The following RAB11FIP3 variants were observed in gnomAD, a reference collection of about 807,000 sequenced individuals.
RAB11FIP3 encodes rab11 family-interacting protein 3.
In RAB11FIP3, 17 loss-of-function variants were observed where a neutral mutation model predicts 77.8. That is an observed-to-expected ratio of 0.22 (90% confidence interval 0.15 to 0.33). The LOEUF is 0.33. RAB11FIP3 is among the 10% of genes least tolerant of loss of function. The pLI is 1.00. For synonymous variants in RAB11FIP3, 437 were observed against 448.2 expected, an observed-to-expected ratio of 0.98 and a Z score of 0.31; for missense variants, 1,005 against 1,011.2, an observed-to-expected ratio of 0.99 and a Z score of 0.08.
At position 494,229 on chromosome 16, in the gene RAB11FIP3, C is replaced by T. The variant is rs997618652; in HGVS notation, c.1266-2595C>T. The stretch of plus-strand genomic sequence containing the variant: ...TTCAATTATAAATCCTGTTGCTGGG[C>T]TGCCAGTCCAGGCCCTGAAAGGTCA... On this transcript the variant is annotated intron_variant, in intron 5 of 13. Coordinates refer to ENST00000262305, the MANE Select transcript of RAB11FIP3 (RefSeq NM_014700.4). Among the ~76,000 whole-genome samples, 106 of 151,464 alleles carry T rather than the reference C, an allele frequency of 7.0e-4. 1 individual carries two copies. Among genetic ancestry groups the T allele is most frequent in the African/African-American group, 2.5e-3 (102 of 41,190 alleles).
intron 1 of RAB11FIP3, among the ~76,000 whole-genome samples, chr16:432,000 G>T (rs1232132459): frequency 6.6e-6 from 1 of 151,896 alleles, no homozygotes; most frequent in African/African-American, 2.4e-5. Flanking sequence ...CGCATGATCC[G>T]CCCACCTCGG....
intron 1 of RAB11FIP3, among the ~76,000 whole-genome samples, chr16:438,151 A>G (rs2055162603): frequency 6.6e-6 from 1 of 151,562 alleles, no homozygotes; most frequent in Non-Finnish European, 1.5e-5. Context: ...TCTGTCACCC[A>G]GGCTGGAGTG....
At chr16:492,107 C>T (rs568996496) in intron 5 of RAB11FIP3, among the ~76,000 whole-genome samples, 7 of 152,248 alleles carry the variant, frequency 4.6e-5, no homozygotes, top group Non-Finnish European at 7.3e-5. Flanking sequence ...CAGGGGGCTT[C>T]TGCCGAGGCA....
intron 4 of RAB11FIP3, among the ~76,000 whole-genome samples, chr16:487,871 T>C (rs2056189530): frequency 6.6e-6 from 1 of 152,076 alleles, no homozygotes. Context: ...TAGCTTAAAG[T>C]AGAGTTTGAA....
chr16:439,195 T>G (rs149311847), intron 1 of RAB11FIP3: 9 of 152,320 alleles, frequency 5.9e-5, no homozygotes, highest in Non-Finnish European at 1.3e-4. Context: ...ATGGATTCAG[T>G]GTCATGATTA....
At position 517,569 on chromosome 16, in the gene RAB11FIP3, C is replaced by A. The variant is rs1221748836; in HGVS notation, c.1641-1374C>A. The stretch of plus-strand genomic sequence containing the variant: ...CAGAGCGAGACCCTCTCTCAAAAAA[C>A]CAAACAAATGCAGTGTGGTTGCTGG... On this transcript the variant is annotated intron_variant, in intron 9 of 13. Coordinates refer to ENST00000262305, the MANE Select transcript of RAB11FIP3 (RefSeq NM_014700.4). 3.9e-5 allele frequency among the ~76,000 whole-genome samples: 6 copies of A among 151,932 alleles called. No individual in the cohort carries two copies. The East Asian group carries it at 7.8e-4, about 20-fold the overall frequency.
rs75098531 is a variant in RAB11FIP3, at chr16:490,409, C to G, written c.1265+1409C>G. Among the ~76,000 whole-genome samples the G allele has an allele frequency of 2.7e-3, 412 of 152,302 alleles. 4 individuals are homozygous for G. The East Asian group carries it at 0.033, about 12-fold the overall frequency. On this transcript the variant is annotated intron_variant, in intron 5 of 13. Coordinates refer to ENST00000262305, the MANE Select transcript of RAB11FIP3 (RefSeq NM_014700.4). ...TGAGACAGGATCTCACTTTATTGCC[C>G]AGGCTGGAGTGGTGCAATCATGGCT...
chr16:425,994 G>A lies in RAB11FIP3; in HGVS notation c.-13G>A, dbSNP rs1170284714. The stretch of plus-strand genomic sequence containing the variant: ...CCGCCCGCGCCCTTCCGCACCACTA[G>A]CCTCTCGGGAGCATGGCGTCGGCCC... On this transcript the variant is annotated 5_prime_UTR_variant, in exon 1 of 14. Transcript: ENST00000262305. 1.0e-6 allele frequency: 1 copy of A among 972,330 alleles called. No individual in the cohort carries two copies. Among genetic ancestry groups the A allele is most frequent in the Non-Finnish European group, 1.2e-6 (1 of 818,786 alleles). The allele number at this position is 972,330 out of a possible 1,614,324, so 60.2% of individuals were successfully genotyped here.
At chr16:474,164 C>A (rs2055858162) in intron 3 of RAB11FIP3, among the ~76,000 whole-genome samples, 1 of 151,974 alleles carries the variant, frequency 6.6e-6, no homozygotes, top group Non-Finnish European at 1.5e-5. Flanking sequence ...AGTATGTGTT[C>A]CATCCAGATA....
intron 4 of RAB11FIP3, among the ~76,000 whole-genome samples, chr16:485,661 T>C (rs1169588518): frequency 6.6e-6 from 1 of 152,258 alleles, no homozygotes; most frequent in African/African-American, 2.4e-5. Context: ...TCCACCCACG[T>C]TGGCCTCCCA....
At chr16:480,791 C>T (rs367962986) in intron 3 of RAB11FIP3, among the ~76,000 whole-genome samples, 2 of 55,952 alleles carry the variant, frequency 3.6e-5, no homozygotes, top group South Asian at 5.3e-4. Context: ...AGCCACTGCG[C>T]CCGGCCTGTA....
intron 1 of RAB11FIP3, among the ~76,000 whole-genome samples, chr16:436,146 T>A (rs1366686783): frequency 6.6e-6 from 1 of 152,076 alleles, no homozygotes; most frequent in Non-Finnish European, 1.5e-5. Flanking sequence ...CTGTCCCTGC[T>A]AAAAGTACAA....
At chr16:449,073 C>G (rs1259985635) in intron 1 of RAB11FIP3, among the ~76,000 whole-genome samples, 1 of 152,196 alleles carries the variant, frequency 6.6e-6, no homozygotes, top group Non-Finnish European at 1.5e-5. Context: ...CCACCACACT[C>G]TACACAGTAG....
chr16:479,171 C>G (rs936340248), intron 3 of RAB11FIP3, among the ~76,000 whole-genome samples: 1 of 152,070 alleles, frequency 6.6e-6, no homozygotes, highest in Non-Finnish European at 1.5e-5. Flanking sequence ...GCAGGCAGAT[C>G]ACTTGAGCTC....
intron 2 of RAB11FIP3, among the ~76,000 whole-genome samples, chr16:465,594 C>T (rs947456961): frequency 7.2e-5 from 11 of 152,084 alleles, no homozygotes; most frequent in African/African-American, 2.7e-4. Context: ...CTGTCAGTAG[C>T]CACGGCCTCT....
rs58290701 is a variant in RAB11FIP3 at position 522,044 on chromosome 16, T to TGTGTGCGCGCGTGTGCGTGCGTGC, written c.*1205_*1206insGTGTGCGCGCGTGTGCGTGCGTGC. ...CGCTGCGTGTGTGTGCGCGCGCGTG[T>TGTGTGCGCGCGTGTGCGTGCGTGC]ACGTGTGGCCCCACATCCGCCGCCT... On this transcript the variant is annotated 3_prime_UTR_variant, in exon 14 of 14. Coordinates refer to ENST00000262305, the MANE Select transcript of RAB11FIP3 (RefSeq NM_014700.4). 6.6e-6 allele frequency: 1 copy of TGTGTGCGCGCGTGTGCGTGCGTGC among 151,732 alleles called. No individual in the cohort carries two copies. Among genetic ancestry groups the TGTGTGCGCGCGTGTGCGTGCGTGC allele is most frequent in the Non-Finnish European group, 1.5e-5 (1 of 67,962 alleles). The allele number at this position is 151,732 out of a possible 1,614,324, so 9.4% of individuals were successfully genotyped here.
At chr16:474,821 C>A (rs1414060671) in intron 3 of RAB11FIP3, 2 of 1,413,178 alleles carry the variant, frequency 1.4e-6, no homozygotes, top group African/African-American at 1.4e-5. Flanking sequence ...TTTGCCTTCC[C>A]CTCCCTGGGC....
chr16:456,323 A>T (rs749869967), intron 1 of RAB11FIP3, among the ~76,000 whole-genome samples: 4 of 151,832 alleles, frequency 2.6e-5, no homozygotes, highest in Non-Finnish European at 4.4e-5. Flanking sequence ...GGCGGCACAC[A>T]CAGCTACTTG....
chr16:516,563 C>T (rs1473426712), intron 9 of RAB11FIP3, among the ~76,000 whole-genome samples: 4 of 152,182 alleles, frequency 2.6e-5, no homozygotes, highest in Non-Finnish European at 4.4e-5. Context: ...CCATATGACA[C>T]AGATAAATTA....
Sources: allele counts gnomAD v4.1 joint callset (sites outside exome capture counted in the v4.1 genomes callset), GRCh38; gene constraint gnomAD v4.1.1; transcripts MANE v1.5; gene names NCBI Gene and HGNC (gene_info 2026-07-23, HGNC 2026-07-21).